The following FNIP1 variants were observed in gnomAD, a reference collection of about 807,000 sequenced individuals.
FNIP1 encodes the protein folliculin interacting protein 1.
FNIP1 carries 40 observed loss-of-function variants against 124.5 expected under a neutral mutation model. The ratio of observed to expected loss-of-function variants is 0.32; its 90% CI spans 0.25 to 0.42. The LOEUF is 0.42. Among genes scored for constraint, FNIP1 ranks in the 10% least tolerant of loss-of-function variants. The probability of loss-of-function intolerance (pLI) is 1.00; values close to 1 mark genes in which losing one functional copy is unlikely to be tolerated. For synonymous variants in FNIP1, 472 were observed against 470.6 expected (o/e 1.00, Z -0.04); for missense variants, 1,176 against 1,403.7 (o/e 0.84, Z 2.59).
chr5:131,663,564 A>G (rs1400214772), intron 15 of FNIP1, among the ~76,000 whole-genome samples: 2 of 152,252 alleles, frequency 1.3e-5, no homozygotes, highest in African/African-American at 4.8e-5. Context: ...AAATGTCTTC[A>G]AAGTTTATAT....
chr5:131,686,931 T>C (rs1768294766), intron 11 of FNIP1, among the ~76,000 whole-genome samples: 1 of 150,880 alleles, frequency 6.6e-6, no homozygotes, highest in Non-Finnish European at 1.5e-5. Flanking sequence ...GCCCCATACC[T>C]ACTAAACAAA....
At chr5:131,676,816 A>C (rs1238725586) in intron 13 of FNIP1, among the ~76,000 whole-genome samples, 3 of 152,140 alleles carry the variant, frequency 2.0e-5, no homozygotes, top group African/African-American at 7.2e-5. Context: ...GGAATGGGGG[A>C]GGGAACAAGG....
chr5:131,649,364 T>C (rs1458160874), intron 16 of FNIP1, among the ~76,000 whole-genome samples: 1 of 152,180 alleles, frequency 6.6e-6, no homozygotes, highest in Non-Finnish European at 1.5e-5. Flanking sequence ...TTACAGGTAT[T>C]GAATGGCAGC....
Position 131,744,552 on chromosome 5 carries a change from A to G in FNIP1, c.219+12T>C. On this transcript the variant is annotated intron_variant, in intron 2 of 17. Transcript: ENST00000510461. ...AACATTAAAAGTCAACCAAATCAAT[A>G]ATGATGCTCACCGATACTGATATGT... The G allele has an allele frequency of 6.4e-7, 1 of 1,574,414 alleles. No individual in the cohort carries two copies. The highest frequency in any genetic ancestry group is 1.8e-5 in the Admixed American group (1 of 55,614).
intron 11 of FNIP1, among the ~76,000 whole-genome samples, chr5:131,687,608 C>T (rs2149523034): frequency 6.6e-6 from 1 of 152,212 alleles, no homozygotes; most frequent in Middle Eastern, 3.4e-3. Context: ...GTTACATCAC[C>T]AAACTGCGGA....
At chr5:131,714,548 ATTCT>A (rs1236895932) in intron 6 of FNIP1, among the ~76,000 whole-genome samples, 1 of 152,072 alleles carries the variant, frequency 6.6e-6, no homozygotes. Context: ...CTTTTGCTCC[ATTCT>A]TTCTTTTTCA....
intron 1 of FNIP1, among the ~76,000 whole-genome samples, chr5:131,764,714 T>C (rs973533320): frequency 1.3e-5 from 2 of 152,052 alleles, no homozygotes; most frequent in Non-Finnish European, 2.9e-5. Flanking sequence ...CTATACGCAT[T>C]TGAGAACCAG....
chr5:131,698,363 A>G (rs1768778420), intron 11 of FNIP1, among the ~76,000 whole-genome samples: 1 of 152,180 alleles, frequency 6.6e-6, no homozygotes, highest in Non-Finnish European at 1.5e-5. Context: ...TTCCCAACAT[A>G]ACATCATTTG....
chr5:131,721,574 G>A (rs746762652), intron 3 of FNIP1, among the ~76,000 whole-genome samples: 15 of 152,052 alleles, frequency 9.9e-5, no homozygotes, highest in Non-Finnish European at 1.8e-4. Context: ...TTAGGCGAGA[G>A]GATCACAAGG....
intron 9 of FNIP1, 143 bp from the exon 10 acceptor site, chr5:131,704,409 C>CT (rs767042705): frequency 7.7e-6 from 5 of 649,294 alleles, no homozygotes; most frequent in Non-Finnish European, 1.3e-5. Context: ...TTGTATATCT[C>CT]TTTAAGAAAT....
chr5:131,706,012 TATGATTTCA>T (rs1477418209), intron 9 of FNIP1, among the ~76,000 whole-genome samples: 1 of 152,164 alleles, frequency 6.6e-6, no homozygotes, highest in Non-Finnish European at 1.5e-5. Context: ...ACAAGCAGTG[TATGATTTCA>T]TTCATACAAG....
intron 1 of FNIP1, among the ~76,000 whole-genome samples, chr5:131,781,460 A>G (rs568593171): frequency 2.8e-4 from 42 of 152,316 alleles, no homozygotes; most frequent in African/African-American, 8.4e-4. Context: ...CTCTCCTGTT[A>G]GGGGCTAATG....
chr5:131,795,795 CTCT>C (rs1382683548), intron 1 of FNIP1: 2 of 147,514 alleles, frequency 1.4e-5, no homozygotes, highest in East Asian at 3.9e-4. Flanking sequence ...TTGACAGATT[CTCT>C]TTTTTTATTT....
intron 2 of FNIP1, among the ~76,000 whole-genome samples, chr5:131,736,949 T>C (rs1334149061): frequency 6.6e-6 from 1 of 152,226 alleles, no homozygotes; most frequent in African/African-American, 2.4e-5. Context: ...TGTATTGAAC[T>C]TGCAACTTAT....
intron 16 of FNIP1, among the ~76,000 whole-genome samples, chr5:131,649,837 T>C (rs555058250): frequency 6.6e-6 from 1 of 152,332 alleles, no homozygotes; most frequent in Non-Finnish European, 1.5e-5. Flanking sequence ...TTCTTTTGTA[T>C]GTGGCTATCC....
intron 3 of FNIP1, among the ~76,000 whole-genome samples, chr5:131,726,493 A>T (rs1488769275): frequency 6.6e-6 from 1 of 151,960 alleles, no homozygotes; most frequent in African/African-American, 2.4e-5. Flanking sequence ...ACAAACTATG[A>T]TAGTAGTTTG....
At chr5:131,745,770 G>A (rs1436593999) in intron 1 of FNIP1, among the ~76,000 whole-genome samples, 1 of 152,068 alleles carries the variant, frequency 6.6e-6, no homozygotes, top group African/African-American at 2.4e-5. Flanking sequence ...GTCAGACAAT[G>A]ACTCACACAC....
At chr5:131,734,681 C>T (rs967867268) in intron 2 of FNIP1, among the ~76,000 whole-genome samples, 2 of 152,182 alleles carry the variant, frequency 1.3e-5, no homozygotes, top group African/African-American at 4.8e-5. Flanking sequence ...CAAAAGAAGA[C>T]ATTTATGCAG....
At chr5:131,712,662 T>G (rs1050799689) in intron 6 of FNIP1, among the ~76,000 whole-genome samples, 1 of 152,238 alleles carries the variant, frequency 6.6e-6, no homozygotes, top group African/African-American at 2.4e-5. Flanking sequence ...GTGTAATTTT[T>G]CAAGGATTTA....
Sources: allele counts gnomAD v4.1 joint callset (sites outside exome capture counted in the v4.1 genomes callset), GRCh38; gene constraint gnomAD v4.1.1; transcripts MANE v1.5; gene names NCBI Gene and HGNC (gene_info 2026-07-23, HGNC 2026-07-21).